The following TMCC1 variants were observed in gnomAD, a reference collection of about 807,000 sequenced individuals.
TMCC1 encodes the protein transmembrane and coiled-coil domains protein 1.
In TMCC1, 15 loss-of-function variants were observed where a neutral mutation model predicts 52.4. The ratio of observed to expected loss-of-function variants is 0.29; its 90% CI spans 0.19 to 0.44. TMCC1 has a LOEUF of 0.44. TMCC1 is among the 20% of genes least tolerant of loss of function. The pLI, the probability that TMCC1 is intolerant of heterozygous loss-of-function variation, is 1.00. For synonymous variants in TMCC1, 279 were observed against 301.9 expected, an observed-to-expected ratio of 0.92 and a Z score of 0.79; for missense variants, 503 against 806.0, an observed-to-expected ratio of 0.62 and a Z score of 4.55.
intron 2 of TMCC1, among the ~76,000 whole-genome samples, chr3:129,851,875 C>T (rs560005175): frequency 4.6e-5 from 7 of 152,250 alleles, no homozygotes; most frequent in African/African-American, 1.2e-4. Flanking sequence ...AATTGCCAGG[C>T]GTGGTGGCTC....
At chr3:129,891,684 G>A (rs527787068) in intron 1 of TMCC1, among the ~76,000 whole-genome samples, 126 of 152,262 alleles carry the variant, frequency 8.3e-4, no homozygotes, top group Non-Finnish European at 1.2e-3. Flanking sequence ...TTAGGGAAGA[G>A]GCCTTGTCTG....
intron 4 of TMCC1, among the ~76,000 whole-genome samples, chr3:129,807,069 C>A (rs868466960): frequency 6.6e-6 from 1 of 151,994 alleles, no homozygotes; most frequent in Non-Finnish European, 1.5e-5. Context: ...AAAAGCAAGC[C>A]CTAAAAGACT....
intron 4 of TMCC1, among the ~76,000 whole-genome samples, chr3:129,767,928 C>T (rs538490588): frequency 3.3e-5 from 5 of 152,310 alleles, no homozygotes; most frequent in African/African-American, 4.8e-5. Context: ...CAGAGGCTCA[C>T]GCCTGTAATC....
chr3:129,770,638 A>G (rs2054497323), intron 4 of TMCC1, among the ~76,000 whole-genome samples: 1 of 149,968 alleles, frequency 6.7e-6, no homozygotes, highest in Admixed American at 6.6e-5. Context: ...AAATGAAATA[A>G]AATAAAATAA....
rs552778540 is a variant in TMCC1, at chr3:129,708,863, A to G, written c.577-37599T>C. ...AATCCGGCATACCCTATGTCTTCAGAGCATCTCTAACCTACTACTACAGTA... is the reference window on the plus strand; with the variant it reads ...AATCCGGCATACCCTATGTCTTCAGGGCATCTCTAACCTACTACTACAGTA... On this transcript the variant is annotated intron_variant, in intron 4 of 6. Transcript: ENST00000393238. 5.7e-4 allele frequency among the ~76,000 whole-genome samples: 87 copies of G among 152,344 alleles called. 1 individual carries two copies. The highest frequency in any genetic ancestry group is 2.0e-3 in the African/African-American group (84 of 41,570).
intron 4 of TMCC1, among the ~76,000 whole-genome samples, chr3:129,809,770 C>T (rs554339908): frequency 2.5e-4 from 38 of 152,182 alleles, no homozygotes; most frequent in Non-Finnish European, 4.3e-4. Flanking sequence ...AACATTAATG[C>T]ATTTTGCAAA....
At chr3:129,794,843 C>T (rs1284039282) in intron 4 of TMCC1, among the ~76,000 whole-genome samples, 1 of 152,150 alleles carries the variant, frequency 6.6e-6, no homozygotes, top group African/African-American at 2.4e-5. Flanking sequence ...GTCCCAGCAG[C>T]AGAGAGTGTC....
At chr3:129,685,522 T>C (rs1194981312) in intron 4 of TMCC1, among the ~76,000 whole-genome samples, 1 of 151,850 alleles carries the variant, frequency 6.6e-6, no homozygotes, top group Non-Finnish European at 1.5e-5. Context: ...GCATTTCAGG[T>C]TAACAGCCTA....
At chr3:129,699,278 T>C (rs2047639575) in intron 4 of TMCC1, among the ~76,000 whole-genome samples, 1 of 152,126 alleles carries the variant, frequency 6.6e-6, no homozygotes, top group Non-Finnish European at 1.5e-5. Context: ...GCTGATAAAA[T>C]AGGCTGCAGT....
chr3:129,760,819 C>G (rs1169305927), intron 4 of TMCC1, among the ~76,000 whole-genome samples: 1 of 150,458 alleles, frequency 6.6e-6, no homozygotes, highest in African/African-American at 2.4e-5. Context: ...GCCATGTTGC[C>G]CAGGCTGGTC....
chr3:129,679,587 A>G (rs1203288865), intron 4 of TMCC1, among the ~76,000 whole-genome samples: 1 of 152,168 alleles, frequency 6.6e-6, no homozygotes, highest in African/African-American at 2.4e-5. Flanking sequence ...TACAGGTATG[A>G]GCCATCACGC....
At chr3:129,682,930 G>A (rs1225276187) in intron 4 of TMCC1, among the ~76,000 whole-genome samples, 2 of 152,318 alleles carry the variant, frequency 1.3e-5, no homozygotes, top group Admixed American at 6.5e-5. Flanking sequence ...CCGCCTCCCG[G>A]GTTCAACTGA....
At chr3:129,845,525 TAA>T (rs1179843770) in intron 2 of TMCC1, among the ~76,000 whole-genome samples, 1 of 152,092 alleles carries the variant, frequency 6.6e-6, no homozygotes, top group African/African-American at 2.4e-5. Context: ...CTTTTTGAAA[TAA>T]AGATACATAA....
intron 4 of TMCC1, among the ~76,000 whole-genome samples, chr3:129,772,423 C>G (rs1342546889): frequency 6.6e-6 from 1 of 151,780 alleles, no homozygotes; most frequent in Non-Finnish European, 1.5e-5. Flanking sequence ...GAGATTAAAA[C>G]AACTGATTCA....
intron 4 of TMCC1, among the ~76,000 whole-genome samples, chr3:129,816,799 G>A (rs2058118963): frequency 6.6e-6 from 1 of 152,042 alleles, no homozygotes; most frequent in African/African-American, 2.4e-5. Flanking sequence ...TGAGATGGGA[G>A]GATTACTTGA....
intron 4 of TMCC1, among the ~76,000 whole-genome samples, chr3:129,796,182 A>T (rs1186874370): frequency 6.6e-6 from 1 of 152,218 alleles, no homozygotes; most frequent in Non-Finnish European, 1.5e-5. Context: ...ACTAATACAT[A>T]CCACTGTATT....
At chr3:129,705,817 C>T (rs1264965598) in intron 4 of TMCC1, among the ~76,000 whole-genome samples, 1 of 151,954 alleles carries the variant, frequency 6.6e-6, no homozygotes, top group Non-Finnish European at 1.5e-5. Context: ...TGGTCTCGAT[C>T]TCCTGACCTC....
intron 2 of TMCC1, among the ~76,000 whole-genome samples, chr3:129,854,553 A>G (rs1370026337): frequency 6.6e-6 from 1 of 152,002 alleles, no homozygotes; most frequent in African/African-American, 2.4e-5. Context: ...ACCTCAAACC[A>G]TGATCTTTTT....
intron 5 of TMCC1, among the ~76,000 whole-genome samples, chr3:129,669,012 TTC>T (rs2087696074): frequency 6.6e-6 from 1 of 152,224 alleles, no homozygotes; most frequent in Non-Finnish European, 1.5e-5. Context: ...CCACACTCAC[TTC>T]TCTGGTCTTC....
Sources: gnomAD v4.1 joint callset for allele counts (sites outside exome capture counted in the v4.1 genomes callset) on GRCh38, gnomAD v4.1.1 for gene constraint, MANE v1.5 for transcripts, NCBI Gene and HGNC (gene_info 2026-07-23, HGNC 2026-07-21) for gene names.